PCMT1: variants seen among roughly 807,000 people sequenced by gnomAD.
PCMT1 encodes the protein protein-L-isoaspartate(D-aspartate) O-methyltransferase.
PCMT1 carries 9 observed loss-of-function variants against 29.2 expected under a neutral mutation model. That is an observed-to-expected ratio of 0.31 (90% CI 0.19 to 0.54). The LOEUF (loss-of-function observed/expected upper bound fraction) is 0.54, where lower values mean the gene tolerates loss of function less well. Ranked by LOEUF, PCMT1 falls within the 20% of genes least tolerant of loss-of-function variation. PCMT1 has a pLI of 0.95. For synonymous variants in PCMT1, 98 were observed against 97.5 expected, an observed-to-expected ratio of 1.00 and a Z score of -0.03; for missense variants, 184 against 282.2, an observed-to-expected ratio of 0.65 and a Z score of 2.49.
intron 3 of PCMT1, among the ~76,000 whole-genome samples, chr6:149,775,072 T>G (rs1787505151): frequency 6.6e-6 from 1 of 152,086 alleles, no homozygotes; most frequent in African/African-American, 2.4e-5. Context: ...TTTGAACTCC[T>G]GACCTCAGGT....
At chr6:149,765,771 A>G in intron 1 of PCMT1, 1 of 269,816 alleles carries the variant, frequency 3.7e-6, no homozygotes, top group Non-Finnish European at 7.1e-6. Flanking sequence ...GTTTGAGACC[A>G]GCCTGACCAA....
chr6:149,750,225 G>C, intron 1 of PCMT1: 1 of 544,188 alleles, frequency 1.8e-6, no homozygotes, highest in South Asian at 2.4e-5. Context: ...TGCAGGCCCT[G>C]GGGGAGGGAG....
At chr6:149,758,212 T>C (rs9689338) in intron 1 of PCMT1, among the ~76,000 whole-genome samples, 4,866 of 74,646 alleles carry the variant, frequency 0.065, 340 homozygotes, top group African/African-American at 0.22. Flanking sequence ...TTCTTTCTTT[T>C]TTTTTTTTTT....
At chr6:149,758,463 G>C (rs1338275053) in intron 1 of PCMT1, among the ~76,000 whole-genome samples, 1 of 151,654 alleles carries the variant, frequency 6.6e-6, no homozygotes, top group Admixed American at 6.6e-5. Context: ...GCCCACCTCG[G>C]CCTCCCAAAG....
chr6:149,749,823 G>A lies in PCMT1; in HGVS notation c.-79G>A, dbSNP rs768713806. 1 of 1,559,996 alleles carries A rather than the reference G, an allele frequency of 6.4e-7. No individual in the cohort carries two copies. Among genetic ancestry groups the A allele is most frequent in the Non-Finnish European group, 8.7e-7 (1 of 1,151,402 alleles). ...GCGGGGCGGTGACGGTGTGGGAGGTGGTCTCACTCTTGGGAAAACTGCTGG... is the reference window on the plus strand; with the variant it reads ...GCGGGGCGGTGACGGTGTGGGAGGTAGTCTCACTCTTGGGAAAACTGCTGG... On this transcript the variant is annotated 5_prime_UTR_variant, in exon 1 of 8. Coordinates refer to ENST00000464889, the MANE Select transcript of PCMT1 (RefSeq NM_001360452.2).
chr6:149,800,135 A>AT (rs1476452505), intron 6 of PCMT1, among the ~76,000 whole-genome samples: 1 of 152,088 alleles, frequency 6.6e-6, no homozygotes, highest in Admixed American at 6.5e-5. Flanking sequence ...CAAAACTTTG[A>AT]TTGAGGGCAC....
intron 3 of PCMT1, among the ~76,000 whole-genome samples, chr6:149,780,096 T>C (rs1222403425): frequency 6.6e-6 from 1 of 151,932 alleles, no homozygotes; most frequent in East Asian, 1.9e-4. Flanking sequence ...TCCAGCACTT[T>C]GGGAGGCCGA....
intron 1 of PCMT1, among the ~76,000 whole-genome samples, chr6:149,758,203 T>C (rs1786589882): frequency 1.6e-5 from 2 of 124,218 alleles, no homozygotes; most frequent in African/African-American, 3.2e-5. Flanking sequence ...TTTCTTTCTT[T>C]CTTTCTTTTT....
intron 4 of PCMT1, among the ~76,000 whole-genome samples, chr6:149,790,299 G>A (rs1788305563): frequency 6.6e-6 from 1 of 152,060 alleles, no homozygotes; most frequent in African/African-American, 2.4e-5. Context: ...GGGTGTATAC[G>A]GTCTGTTGTG....
At chr6:149,810,094 A>T (rs1419778681) in intron 7 of PCMT1, 1 of 152,914 alleles carries the variant, frequency 6.5e-6, no homozygotes, top group East Asian at 1.9e-4. Flanking sequence ...TTTGGAGCTG[A>T]TAAAGCTGCC....
chr6:149,805,601 G>A (rs1775988885), intron 7 of PCMT1, among the ~76,000 whole-genome samples: 1 of 151,210 alleles, frequency 6.6e-6, no homozygotes, highest in Non-Finnish European at 1.5e-5. Flanking sequence ...CTCAAAAAAT[G>A]TATACCTGGT....
At chr6:149,753,944 T>C (rs541376385) in intron 1 of PCMT1, among the ~76,000 whole-genome samples, 19 of 152,366 alleles carry the variant, frequency 1.2e-4, no homozygotes, top group African/African-American at 3.4e-4. Flanking sequence ...TTTGTATTTC[T>C]AACAGATTTG....
In PCMT1 at chr6:149,802,411, T is replaced by G; in HGVS notation, c.*32T>G. The G allele has an allele frequency of 6.3e-7, 1 of 1,586,402 alleles. No homozygotes were observed. The highest frequency in any genetic ancestry group is 1.1e-5 in the South Asian group (1 of 87,388). On this transcript the variant is annotated 3_prime_UTR_variant, in exon 7 of 8. Coordinates refer to ENST00000464889, the MANE Select transcript of PCMT1 (RefSeq NM_001360452.2). ...CTTCTGCTCTTTCTTCTTCCACACA[T>G]GCAAGGTGAAAGGGTGTGGATTTTA... is the stretch of plus-strand genomic sequence containing the variant.
intron 4 of PCMT1, among the ~76,000 whole-genome samples, chr6:149,792,695 C>A (rs1181125285): frequency 6.6e-6 from 1 of 151,962 alleles, no homozygotes; most frequent in African/African-American, 2.4e-5. Context: ...TTTTTGTATT[C>A]TTTTGTAGAG....
intron 2 of PCMT1, 36 bp downstream of exon 2, chr6:149,771,302 A>T (rs752210816): frequency 4.0e-6 from 5 of 1,251,740 alleles, no homozygotes; most frequent in Non-Finnish European, 3.5e-6. Context: ...CATAGTTTTC[A>T]TCATTTACTT....
In PCMT1 at chr6:149,763,232, A is replaced by G. The variant is rs1476401938; in HGVS notation, c.56-7930A>G. On this transcript the variant is annotated intron_variant, in intron 1 of 7. Coordinates refer to ENST00000464889, the MANE Select transcript of PCMT1 (RefSeq NM_001360452.2). Reference sequence around the variant, plus strand: ...TATGATATCTATGATATAAATATCTATGATATCTATGATATATATATCTAT... The same window carrying G: ...TATGATATCTATGATATAAATATCTGTGATATCTATGATATATATATCTAT... Among the ~76,000 whole-genome samples the G allele has an allele frequency of 3.7e-5, 2 of 54,456 alleles. 1 individual carries two copies. Among genetic ancestry groups the G allele is most frequent in the Non-Finnish European group, 5.5e-5 (2 of 36,354 alleles). 35.7% of individuals were successfully genotyped at this position (54,456 alleles called of 152,430 possible). A position where few individuals can be genotyped will look rare whatever the true frequency, so the allele number is the denominator to read the frequency against.
intron 3 of PCMT1, among the ~76,000 whole-genome samples, chr6:149,782,307 T>C (rs1330645504): frequency 6.6e-6 from 1 of 152,080 alleles, no homozygotes; most frequent in Non-Finnish European, 1.5e-5. Flanking sequence ...TTAGCAGTAT[T>C]ATAAGACAAG....
At chr6:149,778,562 G>A (rs1787675372) in intron 3 of PCMT1, among the ~76,000 whole-genome samples, 1 of 151,646 alleles carries the variant, frequency 6.6e-6, no homozygotes, top group African/African-American at 2.4e-5. Flanking sequence ...TTTTAAGACA[G>A]GGTGTTGCTT....
chr6:149,786,986 A>G (rs1788129536), intron 3 of PCMT1, among the ~76,000 whole-genome samples: 1 of 127,220 alleles, frequency 7.9e-6, no homozygotes, highest in African/African-American at 3.7e-5. Flanking sequence ...CAGCCTGGGC[A>G]CCATTGAGCA....
Sources: allele counts gnomAD v4.1 joint callset (sites outside exome capture counted in the v4.1 genomes callset), GRCh38; gene constraint gnomAD v4.1.1; transcripts MANE v1.5; gene names NCBI Gene and HGNC (gene_info 2026-07-23, HGNC 2026-07-21).